The following FOXJ3 variants were observed in gnomAD, a reference collection of about 807,000 sequenced individuals.
FOXJ3 encodes forkhead box J3.
A neutral mutation model predicts 76.1 loss-of-function variants in FOXJ3; 22 were observed. The ratio of observed to expected loss-of-function variants is 0.29; its 90% CI spans 0.21 to 0.41. The LOEUF (loss-of-function observed/expected upper bound fraction) is 0.41. Ranked by LOEUF, FOXJ3 falls within the 10% of genes least tolerant of loss-of-function variation. The pLI is 1.00. For synonymous variants in FOXJ3, 269 were observed against 261.2 expected, an observed-to-expected ratio of 1.03 and a Z score of -0.29; for missense variants, 613 against 762.1, an observed-to-expected ratio of 0.80 and a Z score of 2.30.
At chr1:42,259,080 T>C (rs1422980602) in intron 4 of FOXJ3, among the ~76,000 whole-genome samples, 1 of 152,182 alleles carries the variant, frequency 6.6e-6, no homozygotes, top group African/African-American at 2.4e-5. Context: ...GAAACAAAAC[T>C]GCTGATATGC....
intron 4 of FOXJ3, among the ~76,000 whole-genome samples, chr1:42,241,990 A>C (rs1649181795): frequency 6.6e-6 from 1 of 152,196 alleles, no homozygotes; most frequent in South Asian, 2.1e-4. Context: ...CACTGAGAAA[A>C]ACACAAAAAT....
intron 2 of FOXJ3, among the ~76,000 whole-genome samples, chr1:42,288,334 A>G (rs1407877973): frequency 6.6e-6 from 1 of 152,230 alleles, no homozygotes; most frequent in Non-Finnish European, 1.5e-5. Flanking sequence ...ACATCCTTCA[A>G]GTAACATATG....
At chr1:42,264,056 G>A (rs149256004) in intron 4 of FOXJ3, among the ~76,000 whole-genome samples, 9 of 147,266 alleles carry the variant, frequency 6.1e-5, no homozygotes, top group Admixed American at 2.8e-4. Context: ...GATGACGGTC[G>A]CTACAAAATA....
chr1:42,279,516 G>C (rs1371741592), intron 2 of FOXJ3, among the ~76,000 whole-genome samples: 2 of 152,172 alleles, frequency 1.3e-5, no homozygotes, highest in African/African-American at 4.8e-5. Flanking sequence ...GAATTCTGTA[G>C]TGTATTTCTC....
intron 4 of FOXJ3, among the ~76,000 whole-genome samples, chr1:42,234,684 G>T (rs1288320971): frequency 1.3e-5 from 2 of 152,258 alleles, no homozygotes; most frequent in Admixed American, 6.5e-5. Context: ...GTTTGCCTGG[G>T]TATCAGCAGC....
chr1:42,310,596 A>T (rs1654747066), intron 2 of FOXJ3, among the ~76,000 whole-genome samples: 1 of 151,334 alleles, frequency 6.6e-6, no homozygotes, highest in Non-Finnish European at 1.5e-5. Context: ...TACAGGTGTG[A>T]GCCACCACAC....
intron 3 of FOXJ3, among the ~76,000 whole-genome samples, chr1:42,269,645 A>T (rs576783884): frequency 2.0e-5 from 3 of 152,234 alleles, no homozygotes; most frequent in African/African-American, 7.2e-5. Flanking sequence ...AATTAAACTC[A>T]ATCTTTATGC....
rs115993725 is a variant in FOXJ3 at position 42,188,681 on chromosome 1, T to C, written c.1645+56A>G. On this transcript the variant is annotated intron_variant, in intron 11 of 12. Coordinates refer to ENST00000361346, the MANE Select transcript of FOXJ3 (RefSeq NM_014947.5). ...AAACCAAGTTGGTTAAGACAGTTAC[T>C]AAATTTCGTACGAATGAGAAAATGA... The C allele has an allele frequency of 8.6e-4, 1,068 of 1,243,338 alleles. 6 individuals carry two copies. The African/African-American group carries it at 0.014, about 16-fold the overall frequency. 77.0% of individuals were successfully genotyped at this position (1,243,338 alleles called of 1,614,324 possible).
chr1:42,206,321 T>C (rs1477608802), intron 5 of FOXJ3, among the ~76,000 whole-genome samples: 2 of 152,226 alleles, frequency 1.3e-5, no homozygotes, highest in East Asian at 3.8e-4. Flanking sequence ...TTCTGGGTCA[T>C]GTCTTTGAAA....
At chr1:42,245,723 A>G (rs997531464) in intron 4 of FOXJ3, among the ~76,000 whole-genome samples, 10 of 144,680 alleles carry the variant, frequency 6.9e-5, no homozygotes, top group Admixed American at 2.1e-4. Flanking sequence ...ACCAAACTGA[A>G]AAGCTGGAAC....
chr1:42,270,724 TAC>T (rs752757177), intron 3 of FOXJ3, among the ~76,000 whole-genome samples: 4 of 152,338 alleles, frequency 2.6e-5, no homozygotes, highest in East Asian at 3.9e-4. Flanking sequence ...TTCTCAAAAC[TAC>T]AGTTTATCTG....
intron 5 of FOXJ3, among the ~76,000 whole-genome samples, chr1:42,211,065 G>A (rs1646957207): frequency 6.6e-6 from 1 of 152,146 alleles, no homozygotes; most frequent in African/African-American, 2.4e-5. Flanking sequence ...TGCAGTGCTA[G>A]GCTCAGTGGG....
At chr1:42,215,058 C>T (rs1481351973) in intron 5 of FOXJ3, among the ~76,000 whole-genome samples, 1 of 152,058 alleles carries the variant, frequency 6.6e-6, no homozygotes, top group Non-Finnish European at 1.5e-5. Context: ...TCTATAAAAA[C>T]ATAATATTCA....
intron 6 of FOXJ3, among the ~76,000 whole-genome samples, chr1:42,200,258 T>TA (rs926534232): frequency 2.0e-5 from 3 of 152,164 alleles, no homozygotes; most frequent in Admixed American, 6.5e-5. Flanking sequence ...CTTCTATCAC[T>TA]ACTGATTGGT....
intron 4 of FOXJ3, among the ~76,000 whole-genome samples, chr1:42,264,083 G>A (rs144434570): frequency 1.4e-3 from 207 of 151,842 alleles, no homozygotes; most frequent in African/African-American, 4.4e-3. Context: ...ACTCAAAAGA[G>A]GGAGCAACAA....
At chr1:42,331,784 G>A (rs1429843037) in intron 1 of FOXJ3, among the ~76,000 whole-genome samples, 1 of 151,378 alleles carries the variant, frequency 6.6e-6, no homozygotes, top group Non-Finnish European at 1.5e-5. Flanking sequence ...TACTTTAAAT[G>A]TGTGAATGAA....
chr1:42,330,537 C>T (rs907519289), intron 1 of FOXJ3, among the ~76,000 whole-genome samples: 1 of 152,040 alleles, frequency 6.6e-6, no homozygotes, highest in Non-Finnish European at 1.5e-5. Flanking sequence ...ACTTAGGGGG[C>T]TGAGGTGGGA....
rs142641957 is a variant in FOXJ3, at chr1:42,210,895, A to G, written c.529-5032T>C. Among the ~76,000 whole-genome samples the G allele has an allele frequency of 1.4e-3, 207 of 152,140 alleles. 1 individual carries two copies. Among genetic ancestry groups the G allele is most frequent in the Middle Eastern group, 3.4e-3 (1 of 294 alleles). On this transcript the variant is annotated intron_variant, in intron 5 of 12. Coordinates refer to ENST00000361346, the MANE Select transcript of FOXJ3 (RefSeq NM_014947.5). Reference sequence around the variant, plus strand: ...ACCCAGAAGAGCAGCAAGCTCCACAATAGTCTGGCCCTCAGGGACTGCTAC... The same window carrying G: ...ACCCAGAAGAGCAGCAAGCTCCACAGTAGTCTGGCCCTCAGGGACTGCTAC...
rs771273178 is a variant in FOXJ3 at position 42,191,382 on chromosome 1, T to C, written c.1272A>G (p.Ile424Met). ...GATGCTGATGGTTCGGATGGTGCTGTATGTGTTGATGTGGAGAGGGATGCT... is the reference window on the plus strand; with the variant it reads ...GATGCTGATGGTTCGGATGGTGCTGCATGTGTTGATGTGGAGAGGGATGCT... Reference protein sequence around the residue: ...HPQHPSPHQHIQHHPNHQHQT... With the variant: ...HPQHPSPHQHMQHHPNHQHQT... The change falls in exon 9 of 13, where the codon ATA becomes ATG. Residue 424 changes from isoleucine to methionine, a missense_variant. By Grantham distance (10) the Ile-to-Met change is conservative. Coordinates refer to ENST00000361346, the MANE Select transcript of FOXJ3 (RefSeq NM_014947.5). The C allele has an allele frequency of 1.2e-6, 2 of 1,605,086 alleles. No individual in the cohort carries two copies. Among genetic ancestry groups the C allele is most frequent in the Non-Finnish European group, 1.7e-6 (2 of 1,173,394 alleles).
Sources: gnomAD v4.1 joint callset for allele counts (sites outside exome capture counted in the v4.1 genomes callset) on GRCh38, gnomAD v4.1.1 for gene constraint, MANE v1.5 for transcripts, NCBI Gene and HGNC (gene_info 2026-07-23, HGNC 2026-07-21) for gene names.